ZNF267: variants seen among roughly 807,000 people sequenced by gnomAD.
ZNF267 encodes the protein zinc finger (C2H2).
ZNF267 carries 61 observed loss-of-function variants against 71.6 expected under a neutral mutation model. The observed-to-expected ratio is 0.85, with a 90% CI of 0.69 to 1.05. The LOEUF is 1.05. Among genes scored for constraint, ZNF267 ranks in the 50% least tolerant of loss-of-function variants. The pLI is 0.00. For synonymous variants in ZNF267, 288 were observed against 293.2 expected (o/e 0.98, Z 0.18); for missense variants, 852 against 870.0 (o/e 0.98, Z 0.26).
chr16:31,915,874 A>G lies in ZNF267; in HGVS notation c.1625A>G (p.His542Arg). 2 of 1,613,858 alleles carry G rather than the reference A, an allele frequency of 1.2e-6. No individual in the cohort carries two copies. The highest frequency in any genetic ancestry group is 1.7e-6 in the Non-Finnish European group (2 of 1,180,010). ...AATCTTATTGTGCATGAGAGAATTC[A>G]TACTGGAGAGAAACCCTATAAATGT... is the stretch of plus-strand genomic sequence containing the variant. ...FSNLIVHERI[H>R]TGEKPYKCKE... is the part of the protein sequence containing the mutation. Residue 542 changes from histidine (H) to arginine (R), a missense_variant, in exon 4 of 4, where the codon CAT (histidine) becomes CGT (arginine). By Grantham distance (29) the His-to-Arg change is conservative. Transcript: ENST00000300870.
At chr16:31,911,330 C>G (rs2084133605) in intron 3 of ZNF267, among the ~76,000 whole-genome samples, 1 of 151,512 alleles carries the variant, frequency 6.6e-6, no homozygotes, top group Non-Finnish European at 1.5e-5. Context: ...CTCTAATACT[C>G]TATGTCTCAG....
chr16:31,914,220 C>T (rs1035547372), intron 3 of ZNF267: 1 of 395,904 alleles, frequency 2.5e-6, no homozygotes, highest in Non-Finnish European at 4.5e-6. Flanking sequence ...CAGATTTCTC[C>T]CCGCCATGCA....
chr16:31,889,953 G>A (rs554368085), intron 3 of ZNF267, among the ~76,000 whole-genome samples: 40 of 152,152 alleles, frequency 2.6e-4, no homozygotes, highest in Non-Finnish European at 5.1e-4. Context: ...TCCTCCTGCT[G>A]TTGATTTTCT....
Position 31,911,127 on chromosome 16 carries a change from A to G in ZNF267, c.227-3349A>G, listed in dbSNP as rs183751535. Among the ~76,000 whole-genome samples the G allele has an allele frequency of 4.9e-3, 739 of 151,730 alleles. 7 individuals carry two copies. Among genetic ancestry groups the G allele is most frequent in the Non-Finnish European group, 8.3e-3 (565 of 67,916 alleles). The stretch of plus-strand genomic sequence containing the variant: ...AATGTTGTGTATCTGAAAATTATCT[A>G]TGTGCTGAGAAGAATGTGTGTTCTG... On this transcript the variant is annotated intron_variant, in intron 3 of 3. Coordinates refer to ENST00000300870, the MANE Select transcript of ZNF267 (RefSeq NM_003414.6).
rs1227175950 is a variant in ZNF267, at chr16:31,916,917, AGAGT to A, written c.*437_*440del. 3 of 160,352 alleles carry A rather than the reference AGAGT, an allele frequency of 1.9e-5. No homozygotes were observed. Among genetic ancestry groups the A allele is most frequent in the Admixed American group, 5.9e-5 (1 of 16,966 alleles). The allele number at this position is 160,352 out of a possible 1,614,324, so 9.9% of individuals were successfully genotyped here. On this transcript the variant is annotated 3_prime_UTR_variant, in exon 4 of 4. Transcript: ENST00000300870. ...ACACTTTCAGCCTTTATACTAAATAAGAGTATTTTTTGTACAGAATAATCTAAAG... is the reference window on the plus strand; with the variant it reads ...ACACTTTCAGCCTTTATACTAAATAAATTTTTTGTACAGAATAATCTAAAG...
chr16:31,876,895 C>T (rs1407548059), intron 1 of ZNF267, among the ~76,000 whole-genome samples: 1 of 152,038 alleles, frequency 6.6e-6, no homozygotes, highest in African/African-American at 2.4e-5. Flanking sequence ...GGTTTCCCAG[C>T]CTGCTCACCC....
At position 31,875,859 on chromosome 16, in the gene ZNF267, G is replaced by A. The variant is rs907576369; in HGVS notation, c.3+1890G>A. 3.9e-5 allele frequency among the ~76,000 whole-genome samples: 6 copies of A among 152,314 alleles called. No homozygotes were observed. The East Asian group carries it at 1.2e-3, about 29-fold the overall frequency. Reference sequence around the variant, plus strand: ...AGATAAAAAACATTTCCAAGGCCATGAAAGGTGGATTTCAGAAAATTAAAA... The same window carrying A: ...AGATAAAAAACATTTCCAAGGCCATAAAAGGTGGATTTCAGAAAATTAAAA... On this transcript the variant is annotated intron_variant, in intron 1 of 3. Coordinates refer to ENST00000300870, the MANE Select transcript of ZNF267 (RefSeq NM_003414.6).
intron 3 of ZNF267, among the ~76,000 whole-genome samples, chr16:31,888,118 A>C (rs548815386): frequency 5.9e-5 from 9 of 152,042 alleles, no homozygotes; most frequent in Non-Finnish European, 1.3e-4. Context: ...ATTTAAAAAA[A>C]ATTTTTGATA....
rs1190067426 is a variant in ZNF267 at position 31,910,363 on chromosome 16, G to A, written c.227-4113G>A. ...TAAATGTTGGGTAGAATTTAGTGGT[G>A]AAGCCATCAGGTCCTGGGCTTTTCT... On this transcript the variant is annotated intron_variant, in intron 3 of 3. Coordinates refer to ENST00000300870, the MANE Select transcript of ZNF267 (RefSeq NM_003414.6). Among the ~76,000 whole-genome samples the A allele has an allele frequency of 2.6e-5, 4 of 151,556 alleles. 1 individual carries two copies. The highest frequency in any genetic ancestry group is 9.8e-5 in the African/African-American group (4 of 40,932).
intron 1 of ZNF267, among the ~76,000 whole-genome samples, chr16:31,879,837 T>G (rs1364946311): frequency 6.6e-6 from 1 of 152,132 alleles, no homozygotes; most frequent in Non-Finnish European, 1.5e-5. Flanking sequence ...ACACATACAT[T>G]GAGCAGGCCG....
intron 3 of ZNF267, among the ~76,000 whole-genome samples, chr16:31,904,438 A>G (rs2084070087): frequency 6.6e-6 from 1 of 152,210 alleles, no homozygotes; most frequent in Non-Finnish European, 1.5e-5. Flanking sequence ...TTTGTAGGAC[A>G]CTACGGACTT....
intron 3 of ZNF267, among the ~76,000 whole-genome samples, chr16:31,897,995 A>C (rs2084012268): frequency 6.6e-6 from 1 of 152,078 alleles, no homozygotes; most frequent in South Asian, 2.1e-4. Flanking sequence ...TTTAGTGTTC[A>C]AGTCTTCTGT....
At chr16:31,876,888 T>C (rs895298991) in intron 1 of ZNF267, among the ~76,000 whole-genome samples, 3 of 152,128 alleles carry the variant, frequency 2.0e-5, no homozygotes, top group Non-Finnish European at 2.9e-5. Flanking sequence ...CCCTGCAGGT[T>C]TCCCAGCCTG....
chr16:31,891,592 T>G (rs1441418793), intron 3 of ZNF267, among the ~76,000 whole-genome samples: 2 of 152,178 alleles, frequency 1.3e-5, no homozygotes, highest in African/African-American at 2.4e-5. Context: ...TCCTGTGCTA[T>G]TCTTGTGATA....
intron 3 of ZNF267, among the ~76,000 whole-genome samples, chr16:31,898,880 G>A (rs2084018754): frequency 6.6e-6 from 1 of 152,036 alleles, no homozygotes; most frequent in African/African-American, 2.4e-5. Flanking sequence ...AAAAAGCAGG[G>A]GTTGCAATCC....
In ZNF267 at chr16:31,914,790, A is replaced by G. The variant is rs1161104265; in HGVS notation, c.541A>G (p.Ile181Val). 6.2e-7 allele frequency: 1 copy of G among 1,613,418 alleles called. No individual in the cohort carries two copies. The highest frequency in any genetic ancestry group is 8.5e-7 in the Non-Finnish European group (1 of 1,179,826). Reference sequence around the variant, plus strand: ...ATCATTGCTTAATCAACAAGAGGAAATAGATATTTGGGGAAAACATCACAT... The same window carrying G: ...ATCATTGCTTAATCAACAAGAGGAAGTAGATATTTGGGGAAAACATCACAT... ...HSSLLNQQEE[I>V]DIWGKHHIYD... is the part of the protein sequence containing the mutation. Residue 181 changes from isoleucine to valine, a missense_variant, in exon 4 of 4, where the codon ATA (isoleucine) becomes GTA (valine). Coordinates refer to ENST00000300870, the MANE Select transcript of ZNF267 (RefSeq NM_003414.6).
Position 31,916,347 on chromosome 16 carries a change from A to G in ZNF267, c.2098A>G (p.Arg700Gly), listed in dbSNP as rs755644304. The change falls in exon 4 of 4, where the codon AGG becomes GGG. Residue 700 changes from arginine to glycine, a missense_variant. Arg to Gly is a moderately radical substitution (Grantham distance 125). Coordinates refer to ENST00000300870, the MANE Select transcript of ZNF267 (RefSeq NM_003414.6). Reference protein sequence around the residue: ...CDECGKAFSYRSYLTTHRRSH... With the variant: ...CDECGKAFSYGSYLTTHRRSH... ...TGAATGTGGTAAAGCCTTCAGCTAT[A>G]GGTCATACCTCACTACACATCGGAG... The G allele has an allele frequency of 6.2e-7, 1 of 1,614,050 alleles. No individual in the cohort carries two copies. The highest frequency in any genetic ancestry group is 1.1e-5 in the South Asian group (1 of 91,072).
intron 3 of ZNF267, among the ~76,000 whole-genome samples, chr16:31,902,358 G>T (rs1244751678): frequency 6.6e-6 from 1 of 152,116 alleles, no homozygotes; most frequent in Admixed American, 6.6e-5. Flanking sequence ...GATGGGGATG[G>T]CATTGAATCT....
Position 31,873,884 on chromosome 16 carries a change from T to A in ZNF267, c.-83T>A. The A allele has an allele frequency of 6.3e-7, 1 of 1,596,348 alleles. No homozygotes were observed. Among genetic ancestry groups the A allele is most frequent in the South Asian group, 1.1e-5 (1 of 90,742 alleles). ...CCCAGGCGGCTTCGCGTTCTGAGAA[T>A]AAACAGAACCTCTGTTGCTCTGCGA... On this transcript the variant is annotated 5_prime_UTR_variant, in exon 1 of 4. Transcript: ENST00000300870.
Sources: allele counts gnomAD v4.1 joint callset (sites outside exome capture counted in the v4.1 genomes callset), GRCh38; gene constraint gnomAD v4.1.1; transcripts MANE v1.5; gene names NCBI Gene and HGNC (gene_info 2026-07-23, HGNC 2026-07-21).